The following PKN3 variants were observed in gnomAD, a reference collection of about 807,000 sequenced individuals.
PKN3 encodes serine/threonine-protein kinase N3.
Under a neutral mutation model 113.1 loss-of-function variants are expected in PKN3, and 91 were observed. The observed-to-expected ratio is 0.80, with a 90% CI of 0.68 to 0.96. PKN3 has a LOEUF of 0.96. Among genes scored for constraint, PKN3 ranks in the 40% least tolerant of loss-of-function variants. PKN3 has a pLI of 0.00. For missense variants in PKN3, 1,052 were observed against 1,202.2 expected (o/e 0.88, Z 1.85); for synonymous variants, 467 against 499.0 (o/e 0.94, Z 0.85).
chr9:128,704,061 TG>T (rs68118061), intron 1 of PKN3: 954,651 of 985,168 alleles, frequency 0.97, 467,270 homozygotes, highest in Non-Finnish European at 1. Context: ...AGGTCTGGGG[TG>T]GGGGGGTCCC....
rs769598100 is a variant in PKN3, at chr9:128,716,317, G to T, written c.1809-430G>T. ...TGTCTCAAAAAAAAAAAAAAAAAAG[G>T]CTGGGCGCACTGGCTCACACTTGTA... On this transcript the variant is annotated intron_variant, in intron 15 of 21. Transcript: ENST00000291906. 4.3e-5 allele frequency among the ~76,000 whole-genome samples: 6 copies of T among 140,266 alleles called. 1 individual carries two copies. Among genetic ancestry groups the T allele is most frequent in the South Asian group, 4.6e-4 (2 of 4,358 alleles). 92.0% of individuals were successfully genotyped at this position (140,266 alleles called of 152,430 possible).
Position 128,702,932 on chromosome 9 carries a change from C to T in PKN3, c.17C>T (p.Pro6Leu). The change falls in exon 1 of 22, where the codon CCG (proline) becomes CTG (leucine). Residue 6 changes from proline to leucine, a missense_variant. Around this residue, in one of 2 missense-constraint regions of PKN3, gnomAD observed 719 missense variants for 759.4 expected, o/e 0.95. Coordinates refer to ENST00000291906, the MANE Select transcript of PKN3 (RefSeq NM_013355.5). ...AGCGGCGCCATGGAGGAGGGGGCGCCGCGGCAGGTGAACGGCGTGGGAGGG... is the reference window on the plus strand; with the variant it reads ...AGCGGCGCCATGGAGGAGGGGGCGCTGCGGCAGGTGAACGGCGTGGGAGGG... MEEGA[P>L]RQPGPSQWPP... 1.4e-6 allele frequency: 2 copies of T among 1,459,172 alleles called. No homozygotes were observed. Among genetic ancestry groups the T allele is most frequent in the Non-Finnish European group, 1.8e-6 (2 of 1,113,054 alleles). 90.4% of individuals were successfully genotyped at this position (1,459,172 alleles called of 1,614,324 possible). A position where few individuals can be genotyped will look rare whatever the true frequency, so the allele number is the denominator to read the frequency against.
At chr9:128,705,216 C>T (rs953791747) in intron 1 of PKN3, 87 bp from the exon 2 acceptor site, 23 of 1,492,712 alleles carry the variant, frequency 1.5e-5, no homozygotes, top group African/African-American at 1.1e-4. Flanking sequence ...TCCCTTCCTT[C>T]GCCTCCATCT....
In PKN3 at chr9:128,706,839, C is replaced by T. The variant is rs1339693625; in HGVS notation, c.523+15C>T. The stretch of plus-strand genomic sequence containing the variant: ...CCCGGAGCCAGGTGAGGCCTTGAGA[C>T]ACAGGGAGGGCGGAGCAGGGAAGAG... On this transcript the variant is annotated intron_variant, in intron 4 of 21. Transcript: ENST00000291906. The T allele has an allele frequency of 6.2e-6, 10 of 1,612,180 alleles. No individual in the cohort carries two copies. Among genetic ancestry groups the T allele is most frequent in the Non-Finnish European group, 8.5e-6 (10 of 1,178,806 alleles).
intron 7 of PKN3, 36 bp downstream of exon 7, chr9:128,713,234 C>T (rs765881789): frequency 1.2e-6 from 2 of 1,610,916 alleles, no homozygotes; most frequent in Admixed American, 1.7e-5. Flanking sequence ...GAGCAGGAGA[C>T]CCCTGCTTCA....
intron 1 of PKN3, among the ~76,000 whole-genome samples, chr9:128,704,980 G>T (rs566238850): frequency 6.6e-6 from 1 of 152,070 alleles, no homozygotes; most frequent in Non-Finnish European, 1.5e-5. Context: ...CCGCTACCGG[G>T]TGGGGTGGCT....
intron 18 of PKN3, 44 bp from the exon 19 acceptor site, chr9:128,719,642 A>C: frequency 6.6e-7 from 1 of 1,519,528 alleles, no homozygotes; most frequent in Non-Finnish European, 8.8e-7. Flanking sequence ...GTTATTGTGA[A>C]TAGGCCACAC....
In PKN3 at chr9:128,716,813, C is replaced by T. The variant is rs1862353034; in HGVS notation, c.1875C>T (p.Leu625=). 1.9e-6 allele frequency: 3 copies of T among 1,614,106 alleles called. No individual in the cohort carries two copies. The highest frequency in any genetic ancestry group is 2.5e-6 in the Non-Finnish European group (3 of 1,179,994). ...CAGGGCACCCTTTCCTGCTCTCCCTCCTTGCCTGCTTCCAGACCTCCAGCC... is the reference window on the plus strand; with the variant it reads ...CAGGGCACCCTTTCCTGCTCTCCCTTCTTGCCTGCTTCCAGACCTCCAGCC... ...GCTGHPFLLS[L]LACFQTSSHA... Residue 625 remains leucine (L), a synonymous_variant, in exon 16 of 22, where the codon CTC becomes CTT. Coordinates refer to ENST00000291906, the MANE Select transcript of PKN3 (RefSeq NM_013355.5).
chr9:128,703,654 A>G (rs922347427), intron 1 of PKN3: 2 of 985,338 alleles, frequency 2.0e-6, no homozygotes, highest in African/African-American at 1.7e-5. Flanking sequence ...CCCCGCAAAG[A>G]GCGGAAAGGA....
chr9:128,718,485 G>A, intron 17 of PKN3, 64 bp from the exon 18 acceptor site: 3 of 1,593,006 alleles, frequency 1.9e-6, no homozygotes, highest in Non-Finnish European at 2.6e-6. Context: ...CTGCTCCAGG[G>A]GCCGTTACTG....
rs1223740645 is a variant in PKN3 at position 128,720,529 on chromosome 9, C to T, written c.2593C>T (p.His865Tyr). The change falls in exon 22 of 22, where the codon CAC becomes TAC. Residue 865 changes from histidine to tyrosine, a missense_variant. Transcript: ENST00000291906. This position sits in a 1 kb window ranked among gnomAD's most constrained non-coding sequence, Gnocchi z 5.5. ...LPPALTPPAP[H>Y]SLLTARQQAA... ...GCCTGCCCTGACCCCACCTGCACCC[C>T]ACAGCCTCCTCACTGCCCGCCAACA... 2 of 1,613,516 alleles carry T rather than the reference C, an allele frequency of 1.2e-6. No homozygotes were observed.
At position 128,712,435 on chromosome 9, in the gene PKN3, T is replaced by C. The variant is rs554054509; in HGVS notation, c.836-617T>C. Among the ~76,000 whole-genome samples, 6 of 152,300 alleles carry C rather than the reference T, an allele frequency of 3.9e-5. No individual in the cohort carries two copies. The South Asian group carries it at 1.2e-3, about 32-fold the overall frequency. ...CTCCGTTGACAAAACACGTTTCATA[T>C]CCATTGGGAGAGGTGGGGCAGAGCT... On this transcript the variant is annotated intron_variant, in intron 6 of 21. Coordinates refer to ENST00000291906, the MANE Select transcript of PKN3 (RefSeq NM_013355.5).
rs1437816011 is a variant in PKN3, at chr9:128,706,735, C to T, written c.434C>T (p.Ala145Val). ...TAGGAGAGGAAGCTCCTGGCAGCTG[C>T]CCAGCAGATGCTGCGGGACAGCCAG... ...TPKERKLLAA[A>V]QQMLRDSQLK... Residue 145 changes from alanine (A) to valine (V), a missense_variant, in exon 4 of 22, where the codon GCC becomes GTC. Transcript: ENST00000291906. The T allele has an allele frequency of 6.3e-7, 1 of 1,594,248 alleles. No homozygotes were observed. Among genetic ancestry groups the T allele is most frequent in the Non-Finnish European group, 8.5e-7 (1 of 1,170,078 alleles).
chr9:128,709,203 G>T (rs1348895309), intron 6 of PKN3, among the ~76,000 whole-genome samples: 4 of 151,474 alleles, frequency 2.6e-5, no homozygotes, highest in Non-Finnish European at 5.9e-5. Flanking sequence ...GAGAATGGCG[G>T]GAACCCCGGG....
In PKN3 at chr9:128,711,460, G is replaced by A. The variant is rs566849770; in HGVS notation, c.836-1592G>A. ...TAGCTGGGACTAACTACAGGCGCCC[G>A]CCACTGCGCCCGGCTAATTTTTTGT... On this transcript the variant is annotated intron_variant, in intron 6 of 21. Coordinates refer to ENST00000291906, the MANE Select transcript of PKN3 (RefSeq NM_013355.5). 4.6e-5 allele frequency among the ~76,000 whole-genome samples: 7 copies of A among 151,140 alleles called. No individual in the cohort carries two copies. In the East Asian group the frequency reaches 1.2e-3, roughly 25 times the overall value.
chr9:128,705,587 C>A, intron 2 of PKN3, 44 bp downstream of exon 2: 1 of 1,546,806 alleles, frequency 6.5e-7, no homozygotes. Flanking sequence ...AGGCTCTAGG[C>A]CCATCTGGCC....
In PKN3 at chr9:128,702,532, G is replaced by C. The variant is rs1324676982; in HGVS notation, c.-384G>C. On this transcript the variant is annotated 5_prime_UTR_variant, in exon 1 of 22. Transcript: ENST00000291906. ...CTGTCCCTAACTGGCCGGCTCCCGC[G>C]GGCGCGCGGCGGGGAAGGCCAGAGG... The C allele has an allele frequency of 8.9e-6, 2 of 224,162 alleles. No homozygotes were observed. The highest frequency in any genetic ancestry group is 4.6e-5 in the African/African-American group (2 of 43,496). 13.9% of individuals were successfully genotyped at this position (224,162 alleles called of 1,614,324 possible).
At position 128,719,754 on chromosome 9, in the gene PKN3, AC is replaced by A; in HGVS notation, c.2197del (p.Gln733ArgfsTer127). On this transcript the variant is annotated frameshift_variant, in exon 19 of 22. Transcript: ENST00000291906. LOFTEE classifies it high-confidence loss of function. ...GGAGTTCCTGGCTCCCGAGGTGCTG[AC>A]CCAGGAGGCATACACACGGGCTGTG... ...TPEFLAPEVL[T>X]QEAYTRAVDW... The A allele has an allele frequency of 6.2e-7, 1 of 1,604,328 alleles. No homozygotes were observed. Among genetic ancestry groups the A allele is most frequent in the Non-Finnish European group, 8.5e-7 (1 of 1,174,598 alleles).
intron 1 of PKN3, chr9:128,704,092 C>G (rs1430482936): frequency 1.0e-6 from 1 of 985,282 alleles, no homozygotes; most frequent in Non-Finnish European, 1.2e-6. Context: ...GGTTGCGGCC[C>G]CTTCCACTGG....
Sources: gnomAD v4.1 joint callset for allele counts (sites outside exome capture counted in the v4.1 genomes callset) on GRCh38, gnomAD v4.1.1 for gene constraint, gnomAD v4.1.1 regional missense constraint, Gnocchi (gnomAD v3.1) non-coding constraint, MANE v1.5 for transcripts, NCBI Gene and HGNC (gene_info 2026-07-23, HGNC 2026-07-21) for gene names.